The following PALLD variants were observed in gnomAD, a reference collection of about 807,000 sequenced individuals.
The protein encoded by PALLD is palladin.
In PALLD, 61 loss-of-function variants were observed where a neutral mutation model predicts 123.5. That is an observed-to-expected ratio of 0.49 (90% CI 0.40 to 0.61). The LOEUF (loss-of-function observed/expected upper bound fraction) is 0.61. PALLD is among the 20% of genes least tolerant of loss of function. The pLI is 0.00. For missense variants in PALLD, 1,273 were observed against 1,377.0 expected, an observed-to-expected ratio of 0.92 and a Z score of 1.20; for synonymous variants, 465 against 496.4, an observed-to-expected ratio of 0.94 and a Z score of 0.84.
At chr4:168,870,798 G>A (rs752324442) in intron 10 of PALLD, among the ~76,000 whole-genome samples, 20 of 152,158 alleles carry the variant, frequency 1.3e-4, no homozygotes, top group Admixed American at 3.3e-4. Context: ...CTATTTGAAC[G>A]TTTCTCTACT....
intron 6 of PALLD, among the ~76,000 whole-genome samples, chr4:168,686,261 G>C (rs6850666): frequency 0.014 from 2,056 of 152,054 alleles, 46 homozygotes; most frequent in African/African-American, 0.047. Context: ...AGAATGTGCT[G>C]GTTTGTTATG....
chr4:168,865,498 C>T (rs1201165610), intron 10 of PALLD, among the ~76,000 whole-genome samples: 3 of 152,256 alleles, frequency 2.0e-5, no homozygotes, highest in Non-Finnish European at 2.9e-5. Flanking sequence ...GTATCCAGAT[C>T]CAACTGTGCA....
chr4:168,878,918 G>C (rs1752234773), intron 10 of PALLD, among the ~76,000 whole-genome samples: 1 of 152,172 alleles, frequency 6.6e-6, no homozygotes, highest in Non-Finnish European at 1.5e-5. Flanking sequence ...CATTACAATG[G>C]ATGTGAAGGA....
rs895153127 is a variant in PALLD at position 168,533,386 on chromosome 4, C to T, written c.908+20974C>T. Among the ~76,000 whole-genome samples the T allele has an allele frequency of 3.3e-5, 5 of 151,970 alleles. No individual in the cohort carries two copies. In the South Asian group the frequency reaches 1.0e-3, roughly 32 times the overall value. On this transcript the variant is annotated intron_variant, in intron 2 of 21. Coordinates refer to ENST00000505667, the MANE Select transcript of PALLD (RefSeq NM_001166108.2). ...AACCTACAGTAATAGAAATTAGGGG[C>T]CTGAATCAAGGAATGTTTTGAAGAT...
intron 10 of PALLD, among the ~76,000 whole-genome samples, chr4:168,734,314 T>C (rs1787511181): frequency 6.6e-6 from 1 of 151,962 alleles, no homozygotes; most frequent in African/African-American, 2.4e-5. Flanking sequence ...CTGTGTTCAG[T>C]AGGTGGAGAA....
intron 2 of PALLD, among the ~76,000 whole-genome samples, chr4:168,542,650 T>C (rs1935556770): frequency 9.4e-6 from 1 of 106,034 alleles, no homozygotes; most frequent in African/African-American, 4.7e-5. Flanking sequence ...CCTATATATT[T>C]ATGTAAAGCT....
chr4:168,630,470 C>T (rs572745712), intron 2 of PALLD, among the ~76,000 whole-genome samples: 1 of 152,296 alleles, frequency 6.6e-6, no homozygotes, highest in African/African-American at 2.4e-5. Flanking sequence ...CATGACTCAC[C>T]ACTTCCTCGG....
At chr4:168,645,823 G>A (rs964613391) in intron 2 of PALLD, among the ~76,000 whole-genome samples, 2 of 152,138 alleles carry the variant, frequency 1.3e-5, no homozygotes, top group Non-Finnish European at 2.9e-5. Flanking sequence ...GAGGCTCGTG[G>A]AGTCTGAGTT....
intron 21 of PALLD, 34 bp from the exon 22 acceptor site, chr4:168,926,179 A>T (rs1245434717): frequency 2.7e-6 from 4 of 1,474,256 alleles, no homozygotes; most frequent in Non-Finnish European, 3.6e-6. Flanking sequence ...GTATATCTTG[A>T]TTAAAAATCT....
chr4:168,523,145 T>C (rs1400574072), intron 2 of PALLD, among the ~76,000 whole-genome samples: 2 of 151,178 alleles, frequency 1.3e-5, no homozygotes, highest in African/African-American at 4.9e-5. Flanking sequence ...TGAGTATTTC[T>C]AATGAAATTG....
intron 2 of PALLD, chr4:168,648,701 C>T (rs1777737404): frequency 6.6e-6 from 1 of 152,198 alleles, no homozygotes; most frequent in Admixed American, 6.5e-5. Flanking sequence ...GTGGAAGGCA[C>T]TATTGTTGCA....
chr4:168,704,768 A>G (rs1416263365), intron 8 of PALLD, among the ~76,000 whole-genome samples: 7 of 152,046 alleles, frequency 4.6e-5, no homozygotes, highest in Non-Finnish European at 7.4e-5. Context: ...ATAAAGAAAA[A>G]GAAGACAATT....
At chr4:168,764,207 C>G (rs944980874) in intron 10 of PALLD, among the ~76,000 whole-genome samples, 4 of 151,932 alleles carry the variant, frequency 2.6e-5, no homozygotes, top group Admixed American at 2.0e-4. Context: ...AATGAATAAA[C>G]GTATGAATGA....
chr4:168,877,826 C>G (rs1194687014), intron 10 of PALLD: 1 of 1,304,426 alleles, frequency 7.7e-7, no homozygotes, highest in African/African-American at 1.5e-5. Context: ...GCCCTCGCCC[C>G]CCTTCCCGCC....
chr4:168,690,956 A>G (rs1408441433), intron 7 of PALLD, among the ~76,000 whole-genome samples: 1 of 152,226 alleles, frequency 6.6e-6, no homozygotes, highest in Non-Finnish European at 1.5e-5. Flanking sequence ...GTCTTAAAAA[A>G]TGCATATATA....
intron 15 of PALLD, among the ~76,000 whole-genome samples, chr4:168,908,992 C>T (rs1582092444): frequency 1.3e-5 from 2 of 152,288 alleles, no homozygotes; most frequent in South Asian, 2.1e-4. Context: ...CAGCTCTAAA[C>T]ATATACTGGG....
chr4:168,911,131 T>C (rs189534947), intron 15 of PALLD, among the ~76,000 whole-genome samples: 7 of 152,314 alleles, frequency 4.6e-5, no homozygotes, highest in African/African-American at 1.2e-4. Context: ...GTGAGAGATA[T>C]ATGTAGCATC....
intron 10 of PALLD, among the ~76,000 whole-genome samples, chr4:168,829,523 G>C (rs1023867765): frequency 6.6e-6 from 1 of 152,104 alleles, no homozygotes; most frequent in African/African-American, 2.4e-5. Flanking sequence ...TTTAAGAAGC[G>C]TAACTTAAAA....
At chr4:168,501,364 T>C (rs1761381147) in intron 1 of PALLD, among the ~76,000 whole-genome samples, 1 of 151,954 alleles carries the variant, frequency 6.6e-6, no homozygotes, top group East Asian at 1.9e-4. Context: ...CAGTGAGCTA[T>C]GATCACACCA....
Sources: gnomAD v4.1 joint callset for allele counts (sites outside exome capture counted in the v4.1 genomes callset) on GRCh38, gnomAD v4.1.1 for gene constraint, MANE v1.5 for transcripts, NCBI Gene and HGNC (gene_info 2026-07-23, HGNC 2026-07-21) for gene names.